PDE1C: variants seen among roughly 807,000 people sequenced by gnomAD.
PDE1C encodes the protein phosphodiesterase 1C.
A neutral mutation model predicts 93.1 loss-of-function variants in PDE1C; 62 were observed. The ratio of observed to expected loss-of-function variants is 0.67; its 90% CI spans 0.54 to 0.82. The LOEUF is 0.82. PDE1C is among the 40% of genes least tolerant of loss of function. The pLI is 0.00. For synonymous variants in PDE1C, 325 were observed against 310.1 expected (o/e 1.05, Z -0.50); for missense variants, 742 against 884.6 (o/e 0.84, Z 2.04).
At chr7:31,720,456 G>A in the PDE1C span, among the ~76,000 whole-genome samples, 1 of 152,132 alleles carries the variant, frequency 6.6e-6, no homozygotes, top group African/African-American at 2.4e-5. Context: ...GTGTCGAGTG[G>A]GATGAGGGTT....
At chr7:32,224,243 C>T (rs755881982) in intron 1 of PDE1C, among the ~76,000 whole-genome samples, 42 of 152,182 alleles carry the variant, frequency 2.8e-4, no homozygotes, top group Non-Finnish European at 1.3e-4. Context: ...CGTGATGGCA[C>T]ATGCCTGTAA....
At chr7:32,118,232 A>G (rs1376261042) in intron 3 of PDE1C, among the ~76,000 whole-genome samples, 1 of 152,234 alleles carries the variant, frequency 6.6e-6, no homozygotes, top group Non-Finnish European at 1.5e-5. Flanking sequence ...ACCTGACAGC[A>G]TAAAGGACCA....
Position 32,142,794 on chromosome 7 carries a change from A to G in PDE1C, c.308+26991T>C, listed in dbSNP as rs185265656. Reference sequence around the variant, plus strand: ...AAAGAAGAGATGCTCGAGCTGCATAAGATGGTGGATGAGTAAGAAATAAAG... The same window carrying G: ...AAAGAAGAGATGCTCGAGCTGCATAGGATGGTGGATGAGTAAGAAATAAAG... On this transcript the variant is annotated intron_variant, in intron 3 of 18. Transcript: ENST00000396193. Among the ~76,000 whole-genome samples, 19 of 152,338 alleles carry G rather than the reference A, an allele frequency of 1.2e-4. No individual in the cohort carries two copies. The East Asian group carries it at 3.7e-3, about 29-fold the overall frequency.
chr7:32,012,822 C>T (rs1207411400), intron 2 of PDE1C, among the ~76,000 whole-genome samples: 2 of 152,138 alleles, frequency 1.3e-5, no homozygotes, highest in Non-Finnish European at 2.9e-5. Context: ...TATTTCAAGT[C>T]CTGGCTCTAC....
chr7:32,100,877 G>C (rs948389709), intron 3 of PDE1C, among the ~76,000 whole-genome samples: 2 of 152,082 alleles, frequency 1.3e-5, no homozygotes, highest in African/African-American at 4.8e-5. Flanking sequence ...AAAAAGAACT[G>C]GACAAACATG....
At chr7:32,393,235 T>C (rs1404265596) in intron 1 of PDE1C, among the ~76,000 whole-genome samples, 1 of 152,006 alleles carries the variant, frequency 6.6e-6, no homozygotes, top group Non-Finnish European at 1.5e-5. Context: ...CCATTCAATG[T>C]TGTCATGGAA....
At chr7:31,692,969 C>G in the PDE1C span, among the ~76,000 whole-genome samples, 11 of 152,274 alleles carry the variant, frequency 7.2e-5, no homozygotes, top group Admixed American at 7.2e-4. Context: ...GCTTTATTGT[C>G]AATCTGTTTC....
chr7:32,237,161 A>G (rs1022396853), intron 1 of PDE1C, among the ~76,000 whole-genome samples: 11 of 143,428 alleles, frequency 7.7e-5, no homozygotes, highest in African/African-American at 2.9e-4. Flanking sequence ...ATCTCGGCTC[A>G]CTGCAAGTTC....
chr7:31,702,594 C>T, the PDE1C span, among the ~76,000 whole-genome samples: 3 of 152,184 alleles, frequency 2.0e-5, no homozygotes, highest in East Asian at 5.8e-4. Flanking sequence ...TCACAGCATG[C>T]AAATACCCAA....
intron 1 of PDE1C, among the ~76,000 whole-genome samples, chr7:32,274,196 G>A (rs1222244119): frequency 6.6e-6 from 1 of 151,512 alleles, no homozygotes; most frequent in Admixed American, 6.6e-5. Context: ...CATTTATTTA[G>A]GATAGTTTTT....
At chr7:32,256,269 T>C (rs907565462) in intron 1 of PDE1C, among the ~76,000 whole-genome samples, 1 of 152,158 alleles carries the variant, frequency 6.6e-6, no homozygotes, top group African/African-American at 2.4e-5. Context: ...ATTAACAGCT[T>C]GTTTGATGGA....
At chr7:32,052,289 TG>T (rs776009916) in intron 1 of PDE1C, 1 of 482,440 alleles carries the variant, frequency 2.1e-6, no homozygotes, top group East Asian at 5.8e-5. Context: ...CATTTAGCCT[TG>T]GGCAAATCTT....
At chr7:31,790,513 A>G (rs1483138600) in intron 16 of PDE1C, among the ~76,000 whole-genome samples, 1 of 152,164 alleles carries the variant, frequency 6.6e-6, no homozygotes, top group Non-Finnish European at 1.5e-5. Flanking sequence ...AGATTAGCAA[A>G]CATTTGGTCA....
At chr7:31,886,004 G>C (rs1477786739) in intron 2 of PDE1C, among the ~76,000 whole-genome samples, 2 of 152,104 alleles carry the variant, frequency 1.3e-5, no homozygotes, top group South Asian at 4.1e-4. Flanking sequence ...CTCTGAGGAT[G>C]GGGGGGCAGC....
chr7:32,235,937 G>A (rs998443669), intron 1 of PDE1C, among the ~76,000 whole-genome samples: 1 of 151,900 alleles, frequency 6.6e-6, no homozygotes, highest in African/African-American at 2.4e-5. Context: ...ATTAACAAAG[G>A]GACAGACAAA....
Position 32,207,313 on chromosome 7 carries a change from C to T in PDE1C, c.136+2176G>A, listed in dbSNP as rs117043224. On this transcript the variant is annotated intron_variant, in intron 2 of 18. Coordinates refer to the PDE1C transcript ENST00000396193. Reference sequence around the variant, plus strand: ...ACACTGTCAAGGCTGTCTTGTTGGACGCAAAAATTAGAGAATGTTGCAGTA... The same window carrying T: ...ACACTGTCAAGGCTGTCTTGTTGGATGCAAAAATTAGAGAATGTTGCAGTA... Among the ~76,000 whole-genome samples the T allele has an allele frequency of 7.8e-3, 1,168 of 149,808 alleles. 10 individuals are homozygous for T. The highest frequency in any genetic ancestry group is 0.014 in the Non-Finnish European group (926 of 67,770).
chr7:31,780,208 A>T (rs1037622088), intron 16 of PDE1C, among the ~76,000 whole-genome samples: 3 of 152,210 alleles, frequency 2.0e-5, no homozygotes, highest in African/African-American at 7.2e-5. Context: ...ATCTGCAGCC[A>T]TGAGAAACAC....
chr7:31,617,778 A>C, the PDE1C span, among the ~76,000 whole-genome samples: 1 of 152,168 alleles, frequency 6.6e-6, no homozygotes, highest in Non-Finnish European at 1.5e-5. Flanking sequence ...GAAATTGAAG[A>C]TAATAAAGAT....
At chr7:31,921,990 G>T (rs967122042) in intron 2 of PDE1C, among the ~76,000 whole-genome samples, 1 of 152,118 alleles carries the variant, frequency 6.6e-6, no homozygotes, top group Non-Finnish European at 1.5e-5. Flanking sequence ...GTTAAGAGAG[G>T]TTAATTAGTA....
Sources: allele counts gnomAD v4.1 joint callset (sites outside exome capture counted in the v4.1 genomes callset), GRCh38; gene constraint gnomAD v4.1.1; transcripts MANE v1.5; gene names NCBI Gene and HGNC (gene_info 2026-07-23, HGNC 2026-07-21).